The following AMBRA1 variants were observed in gnomAD, a reference collection of about 807,000 sequenced individuals.
AMBRA1 encodes activating molecule in BECN1-regulated autophagy protein 1.
Under a neutral mutation model 125.4 loss-of-function variants are expected in AMBRA1, and 47 were observed. The ratio of observed to expected loss-of-function variants is 0.37; its 90% confidence interval spans 0.30 to 0.48. AMBRA1 has a LOEUF of 0.48. AMBRA1 is among the 20% of genes least tolerant of loss of function. The pLI, the probability that AMBRA1 is intolerant of heterozygous loss-of-function variation, is 0.99. For missense variants in AMBRA1, 1,331 were observed against 1,693.4 expected (o/e 0.79, Z 3.76); for synonymous variants, 626 against 655.5 (o/e 0.95, Z 0.69).
intron 11 of AMBRA1, among the ~76,000 whole-genome samples, chr11:46,490,205 T>A (rs187744411): frequency 6.6e-6 from 1 of 152,274 alleles, no homozygotes; most frequent in East Asian, 1.9e-4. Flanking sequence ...CAATTTTACC[T>A]GGTAGAGCTG....
intron 9 of AMBRA1, among the ~76,000 whole-genome samples, chr11:46,498,380 A>G (rs531969093): frequency 7.2e-5 from 11 of 152,324 alleles, no homozygotes; most frequent in Admixed American, 2.6e-4. Context: ...AGCCAGCAGG[A>G]TAGAAGCTGG....
At chr11:46,435,844 C>T (rs1455269688) in intron 12 of AMBRA1, among the ~76,000 whole-genome samples, 1 of 152,226 alleles carries the variant, frequency 6.6e-6, no homozygotes, top group Non-Finnish European at 1.5e-5. Context: ...CACAACAGCA[C>T]CAATGAGATG....
At chr11:46,418,306 ATATTTTATTATTTATATATAAATATG>A (rs61137173) in intron 14 of AMBRA1, among the ~76,000 whole-genome samples, 136,215 of 139,792 alleles carry the variant, frequency 0.97, 66,408 homozygotes, top group East Asian at 1. Flanking sequence ...TATATAATAT[ATATTTTATTATTTATATATAAATATG>A]TATTTTATTA....
At chr11:46,569,459 A>C (rs2043677475) in intron 1 of AMBRA1, among the ~76,000 whole-genome samples, 1 of 147,116 alleles carries the variant, frequency 6.8e-6, no homozygotes, top group South Asian at 2.1e-4. Flanking sequence ...ATATATATAT[A>C]TATATAAAGT....
At chr11:46,428,690 C>G in intron 14 of AMBRA1, 1 of 1,603,376 alleles carries the variant, frequency 6.2e-7, no homozygotes, top group South Asian at 1.1e-5. Context: ...ACCAAATCCG[C>G]CTCTAAACTG....
At chr11:46,405,473 C>T (rs1446444170) in intron 17 of AMBRA1, among the ~76,000 whole-genome samples, 1 of 152,136 alleles carries the variant, frequency 6.6e-6, no homozygotes. Flanking sequence ...AATTCCAGCA[C>T]TTTGGGAGGC....
chr11:46,445,474 T>C (rs552885576), intron 11 of AMBRA1, among the ~76,000 whole-genome samples: 1 of 152,088 alleles, frequency 6.6e-6, no homozygotes, highest in Non-Finnish European at 1.5e-5. Context: ...TCACAGAAAA[T>C]TCCCCTTTAA....
chr11:46,506,014 G>A (rs1426491091), intron 9 of AMBRA1, among the ~76,000 whole-genome samples: 2 of 152,130 alleles, frequency 1.3e-5, no homozygotes, highest in African/African-American at 4.8e-5. Context: ...AGGCTTTTCA[G>A]CAGCACTAAG....
chr11:46,535,556 G>A (rs551464633), intron 7 of AMBRA1, among the ~76,000 whole-genome samples: 1 of 152,168 alleles, frequency 6.6e-6, no homozygotes, highest in Admixed American at 6.5e-5. Context: ...CATTTAAATT[G>A]GATTATCCAC....
chr11:46,552,974 C>T (rs866031810), intron 1 of AMBRA1, among the ~76,000 whole-genome samples: 3 of 151,696 alleles, frequency 2.0e-5, no homozygotes, highest in African/African-American at 7.3e-5. Flanking sequence ...GAGACAGAGT[C>T]TCGCTCCGTC....
chr11:46,527,458 T>A (rs1200607846), intron 7 of AMBRA1, among the ~76,000 whole-genome samples: 4 of 98,002 alleles, frequency 4.1e-5, no homozygotes, highest in Admixed American at 1.5e-4. Context: ...CCAGCCTAGG[T>A]GACAAAGTGA....
chr11:46,504,933 G>T (rs1950977545), intron 9 of AMBRA1, among the ~76,000 whole-genome samples: 1 of 152,188 alleles, frequency 6.6e-6, no homozygotes, highest in South Asian at 2.1e-4. Flanking sequence ...CTGAGTAATG[G>T]CTCCCTTGGT....
chr11:46,409,911 C>T (rs1330778091), intron 16 of AMBRA1, among the ~76,000 whole-genome samples: 2 of 152,218 alleles, frequency 1.3e-5, no homozygotes, highest in East Asian at 3.9e-4. Flanking sequence ...CAGCCCTGGG[C>T]AGCTTGGTCC....
Position 46,525,543 on chromosome 11 carries a change from G to T in AMBRA1, c.2073-12730C>A, listed in dbSNP as rs576354765. On this transcript the variant is annotated intron_variant, in intron 7 of 17. Coordinates refer to ENST00000683756, the MANE Select transcript of AMBRA1 (RefSeq NM_001387011.1). Reference sequence around the variant, plus strand: ...GTAGATCAAGATCACTTGAGGTCAGGAGTTCGAGACCAGCCTGACCAACAC... The same window carrying T: ...GTAGATCAAGATCACTTGAGGTCAGTAGTTCGAGACCAGCCTGACCAACAC... 4.6e-5 allele frequency among the ~76,000 whole-genome samples: 7 copies of T among 152,300 alleles called. No individual in the cohort carries two copies. In the East Asian group the frequency reaches 1.4e-3, roughly 29 times the overall value.
intron 1 of AMBRA1, among the ~76,000 whole-genome samples, chr11:46,554,269 T>TAAAAATA (rs973079947): frequency 6.6e-6 from 1 of 151,960 alleles, no homozygotes; most frequent in Non-Finnish European, 1.5e-5. Flanking sequence ...GTCCAATTCC[T>TAAAAATA]AAAAATAAAA....
chr11:46,406,358 C>A (rs1292055251), intron 17 of AMBRA1, among the ~76,000 whole-genome samples: 3 of 120,578 alleles, frequency 2.5e-5, no homozygotes, highest in African/African-American at 9.3e-5. Flanking sequence ...CCAGCTGAGA[C>A]TCTATCTTTA....
chr11:46,560,847 A>C (rs2043308591), intron 1 of AMBRA1, among the ~76,000 whole-genome samples: 1 of 152,200 alleles, frequency 6.6e-6, no homozygotes, highest in Non-Finnish European at 1.5e-5. Flanking sequence ...TTTCAGAGGC[A>C]AAACAGCTTA....
chr11:46,498,138 G>C (rs1172829519), intron 9 of AMBRA1, among the ~76,000 whole-genome samples: 1 of 152,176 alleles, frequency 6.6e-6, no homozygotes, highest in Non-Finnish European at 1.5e-5. Context: ...GAAGATATTT[G>C]CCAGATGAAA....
chr11:46,475,075 A>G (rs183744352), intron 11 of AMBRA1, among the ~76,000 whole-genome samples: 1 of 152,132 alleles, frequency 6.6e-6, no homozygotes, highest in Non-Finnish European at 1.5e-5. Flanking sequence ...TTAAACTGAA[A>G]AACAGTCTTA....
Sources: gnomAD v4.1 joint callset for allele counts (sites outside exome capture counted in the v4.1 genomes callset) on GRCh38, gnomAD v4.1.1 for gene constraint, MANE v1.5 for transcripts, NCBI Gene and HGNC (gene_info 2026-07-23, HGNC 2026-07-21) for gene names.